MGAT4A: variants seen among roughly 807,000 people sequenced by gnomAD.
MGAT4A encodes N-acetylglucosaminyltransferase IVa.
Under a neutral mutation model 74.1 loss-of-function variants are expected in MGAT4A, and 33 were observed. That is an observed-to-expected ratio of 0.45 (90% CI 0.34 to 0.60). The LOEUF (loss-of-function observed/expected upper bound fraction) is 0.60. Ranked by LOEUF, MGAT4A falls within the 20% of genes least tolerant of loss-of-function variation. The pLI is 0.02. For missense variants in MGAT4A, 479 were observed against 628.3 expected (o/e 0.76, Z 2.54); for synonymous variants, 198 against 210.4 (o/e 0.94, Z 0.51).
chr2:98,723,464 G>A (rs1702714088), intron 2 of MGAT4A, among the ~76,000 whole-genome samples: 1 of 152,132 alleles, frequency 6.6e-6, no homozygotes, highest in African/African-American at 2.4e-5. Context: ...CTTGCTTGGG[G>A]CTGACACCAT....
chr2:98,655,497 T>G lies in MGAT4A; in HGVS notation c.722A>C (p.Asp241Ala). 6.2e-7 allele frequency: 1 copy of G among 1,611,710 alleles called. No homozygotes were observed. The highest frequency in any genetic ancestry group is 8.5e-7 in the Non-Finnish European group (1 of 1,178,498). The change falls in exon 8 of 16, where the codon GAT becomes GCT. Residue 241 changes from aspartate to alanine, a missense_variant. By Grantham distance (126) the Asp-to-Ala change is moderately radical. Coordinates refer to ENST00000393487, the MANE Select transcript of MGAT4A (RefSeq NM_012214.3). ...AGCATACATCATTAGAAAACAGTAA[T>G]CTAGGTTTTGCTTTGTTCTCCATCT... ...RVRWRTKQNL[D>A]YCFLMMYAQE... is the part of the protein sequence containing the mutation.
intron 2 of MGAT4A, among the ~76,000 whole-genome samples, chr2:98,703,270 TCAG>T (rs1387700122): frequency 2.0e-5 from 3 of 152,106 alleles, no homozygotes; most frequent in East Asian, 3.9e-4. Flanking sequence ...CTAGAGAGGC[TCAG>T]CAGCAGATTT....
At chr2:98,642,805 T>C (rs565709776) in intron 10 of MGAT4A, among the ~76,000 whole-genome samples, 1 of 152,224 alleles carries the variant, frequency 6.6e-6, no homozygotes, top group Non-Finnish European at 1.5e-5. Context: ...CATTGCTAGA[T>C]TCCATGATTT....
intron 2 of MGAT4A, among the ~76,000 whole-genome samples, chr2:98,702,332 G>A (rs930039620): frequency 2.0e-5 from 3 of 152,208 alleles, no homozygotes; most frequent in South Asian, 2.1e-4. Flanking sequence ...CAAGCAGCAC[G>A]GAGGGCCAGA....
At position 98,705,812 on chromosome 2, in the gene MGAT4A, GGGCGCCTGTA is replaced by G. The variant is rs572464876; in HGVS notation, c.94+20417_94+20426del. Among the ~76,000 whole-genome samples the G allele has an allele frequency of 1.4e-4, 22 of 151,896 alleles. 1 individual carries two copies. The South Asian group carries it at 4.6e-3, about 32-fold the overall frequency. The stretch of plus-strand genomic sequence containing the variant: ...CAAAAAATTAGCCGGGCGCGGTGGC[GGGCGCCTGTA>G]GTCCCAGCTACTCGGGGGCTGAGGC... On this transcript the variant is annotated intron_variant, in intron 2 of 15. Transcript: ENST00000393487.
At chr2:98,664,996 T>A (rs899185168) in intron 4 of MGAT4A, among the ~76,000 whole-genome samples, 3 of 152,190 alleles carry the variant, frequency 2.0e-5, no homozygotes, top group Admixed American at 2.0e-4. Flanking sequence ...CATGCAACAA[T>A]TTTTTGGAGA....
At chr2:98,652,988 G>A in intron 8 of MGAT4A, among the ~76,000 whole-genome samples, 1 of 151,668 alleles carries the variant, frequency 6.6e-6, no homozygotes, top group African/African-American at 2.4e-5. Flanking sequence ...AATGAAACTA[G>A]AAGTCAATAG....
At position 98,676,997 on chromosome 2, in the gene MGAT4A, A is replaced by G. The variant is rs559967986; in HGVS notation, c.262+1307T>C. 5.9e-5 allele frequency among the ~76,000 whole-genome samples: 9 copies of G among 152,352 alleles called. No individual in the cohort carries two copies. The South Asian group carries it at 1.0e-3, about 18-fold the overall frequency. On this transcript the variant is annotated intron_variant, in intron 3 of 15. Transcript: ENST00000393487. ...CGCAACTTTATAAATAAGGTGAGGCAGTGGATCTGGAGATGAGAGGAATTC... is the reference window on the plus strand; with the variant it reads ...CGCAACTTTATAAATAAGGTGAGGCGGTGGATCTGGAGATGAGAGGAATTC...
In MGAT4A at chr2:98,622,989, G is replaced by A. The variant is rs1701082976; in HGVS notation, c.*2577C>T. On this transcript the variant is annotated 3_prime_UTR_variant, in exon 16 of 16. Transcript: ENST00000393487. ...GCTATGAGAGCACCACTGCACTCCA[G>A]CCTGGGCAACAAAGCGAGACCCTGT... The A allele has an allele frequency of 1.0e-6, 1 of 983,770 alleles. No individual in the cohort carries two copies. Among genetic ancestry groups the A allele is most frequent in the Non-Finnish European group, 1.2e-6 (1 of 828,422 alleles). 60.9% of individuals were successfully genotyped at this position (983,770 alleles called of 1,614,324 possible). A position where few individuals can be genotyped will look rare whatever the true frequency, so the allele number is the denominator to read the frequency against.
intron 2 of MGAT4A, among the ~76,000 whole-genome samples, chr2:98,723,964 G>A (rs1254084147): frequency 6.6e-6 from 1 of 152,098 alleles, no homozygotes; most frequent in Non-Finnish European, 1.5e-5. Flanking sequence ...TTACAGAAAG[G>A]GGATAATATC....
At chr2:98,693,645 C>G (rs529359773) in intron 2 of MGAT4A, among the ~76,000 whole-genome samples, 1 of 146,292 alleles carries the variant, frequency 6.8e-6, no homozygotes, top group Non-Finnish European at 1.5e-5. Flanking sequence ...GAGGTTAAGG[C>G]TGTAGTGAGC....
intron 1 of MGAT4A, chr2:98,730,396 G>A (rs1300176718): frequency 1.3e-5 from 2 of 152,136 alleles, no homozygotes; most frequent in Non-Finnish European, 2.9e-5. Context: ...TCCTCATTAC[G>A]GAGAGAGCTG....
At chr2:98,627,613 T>C (rs1475473241) in intron 14 of MGAT4A, among the ~76,000 whole-genome samples, 1 of 152,182 alleles carries the variant, frequency 6.6e-6, no homozygotes, top group Non-Finnish European at 1.5e-5. Context: ...TGACCTCAAG[T>C]GATCCACCTG....
intron 4 of MGAT4A, among the ~76,000 whole-genome samples, chr2:98,669,313 G>T (rs1238559837): frequency 2.0e-5 from 3 of 152,154 alleles, no homozygotes; most frequent in Non-Finnish European, 2.9e-5. Flanking sequence ...CACGAGATCT[G>T]ATGGTTTTAA....
In MGAT4A at chr2:98,624,786, A is replaced by C; in HGVS notation, c.*780T>G. On this transcript the variant is annotated 3_prime_UTR_variant, in exon 16 of 16. Transcript: ENST00000393487. ...TACACATTGAAAATTTATCAGACTG[A>C]CTTTCTGTGGCTATACACCATACAC... The C allele has an allele frequency of 1.0e-6, 1 of 985,052 alleles. No individual in the cohort carries two copies. Among genetic ancestry groups the C allele is most frequent in the Non-Finnish European group, 1.2e-6 (1 of 829,156 alleles). The allele number at this position is 985,052 out of a possible 1,614,324, so 61.0% of individuals were successfully genotyped here.
At chr2:98,664,339 T>C (rs570550293) in intron 4 of MGAT4A, among the ~76,000 whole-genome samples, 2 of 151,448 alleles carry the variant, frequency 1.3e-5, no homozygotes, top group South Asian at 4.2e-4. Context: ...ATGATTAACA[T>C]ATTAGGGAAA....
intron 2 of MGAT4A, among the ~76,000 whole-genome samples, chr2:98,708,191 C>G (rs1477539899): frequency 1.3e-5 from 2 of 151,832 alleles, no homozygotes; most frequent in African/African-American, 4.8e-5. Flanking sequence ...TGGTCTCGAA[C>G]TCCTGGTCTT....
In MGAT4A at chr2:98,668,036, G is replaced by A. The variant is rs150953102; in HGVS notation, c.404-4857C>T. Among the ~76,000 whole-genome samples the A allele has an allele frequency of 5.4e-4, 82 of 152,182 alleles. No individual in the cohort carries two copies. The Middle Eastern group carries it at 0.01, about 19-fold the overall frequency. On this transcript the variant is annotated intron_variant, in intron 4 of 15. Coordinates refer to ENST00000393487, the MANE Select transcript of MGAT4A (RefSeq NM_012214.3). The stretch of plus-strand genomic sequence containing the variant: ...CCCGGCCAGCATTCAGTTTTAAGAC[G>A]GAAAGAGCATGAAAGTTTGGAAAAT...
In MGAT4A at chr2:98,624,309, G is replaced by A. The variant is rs1470603236; in HGVS notation, c.*1257C>T. On this transcript the variant is annotated 3_prime_UTR_variant, in exon 16 of 16. Coordinates refer to ENST00000393487, the MANE Select transcript of MGAT4A (RefSeq NM_012214.3). ...TTACAGGCGTGAGCCACAGCGCCTG[G>A]TGATAATTCATCATTTTTTAAAAGT... is the stretch of plus-strand genomic sequence containing the variant. 2 of 971,200 alleles carry A rather than the reference G, an allele frequency of 2.1e-6. No individual in the cohort carries two copies. The highest frequency in any genetic ancestry group is 2.4e-6 in the Non-Finnish European group (2 of 817,128). 60.2% of individuals were successfully genotyped at this position (971,200 alleles called of 1,614,324 possible). A position where few individuals can be genotyped will look rare whatever the true frequency, so the allele number is the denominator to read the frequency against.
Sources: allele counts gnomAD v4.1 joint callset (sites outside exome capture counted in the v4.1 genomes callset), GRCh38; gene constraint gnomAD v4.1.1; transcripts MANE v1.5; gene names NCBI Gene and HGNC (gene_info 2026-07-23, HGNC 2026-07-21).